ADGRE3: variants seen among roughly 807,000 people sequenced by gnomAD.
The protein encoded by ADGRE3 is EGF-like module receptor 3.
In ADGRE3, 88 loss-of-function variants were observed where a neutral mutation model predicts 80.1. That is an observed-to-expected ratio of 1.10 (90% CI 0.93 to 1.31). The LOEUF is 1.31. ADGRE3 is among the 40% of genes most tolerant of loss of function. The pLI, the probability that ADGRE3 is intolerant of heterozygous loss-of-function variation, is 0.00. For synonymous variants in ADGRE3, 281 were observed against 294.8 expected (o/e 0.95, Z 0.48); for missense variants, 715 against 776.5 (o/e 0.92, Z 0.94).
chr19:14,643,845 G>T (rs542835902), intron 9 of ADGRE3, among the ~76,000 whole-genome samples: 33 of 152,000 alleles, frequency 2.2e-4, no homozygotes, highest in Middle Eastern at 3.4e-3. Flanking sequence ...TGAGTAGCTG[G>T]GATTACAGGC....
chr19:14,621,089 G>C (rs955829141), intron 15 of ADGRE3, among the ~76,000 whole-genome samples: 5 of 151,760 alleles, frequency 3.3e-5, no homozygotes. Context: ...GCATGATCTC[G>C]GCTCACCGTA....
chr19:14,635,509 T>C (rs1448931763), intron 11 of ADGRE3, among the ~76,000 whole-genome samples: 2 of 151,766 alleles, frequency 1.3e-5, no homozygotes, highest in Non-Finnish European at 1.5e-5. Flanking sequence ...CCTCCCGGGT[T>C]CAAGTGATTC....
In ADGRE3 at chr19:14,656,797, T is replaced by C. The variant is rs527656778; in HGVS notation, c.394-1632A>G. Among the ~76,000 whole-genome samples, 17 of 152,222 alleles carry C rather than the reference T, an allele frequency of 1.1e-4. No individual in the cohort carries two copies. In the East Asian group the frequency reaches 2.9e-3, roughly 26 times the overall value. ...GGCTGCTCTTTGTTAGAAAAGAAAATTTGGGGCTGCTCTTCATTAAAAGGA... is the reference window on the plus strand; with the variant it reads ...GGCTGCTCTTTGTTAGAAAAGAAAACTTGGGGCTGCTCTTCATTAAAAGGA... On this transcript the variant is annotated intron_variant, in intron 5 of 15. Transcript: ENST00000253673.
intron 8 of ADGRE3, 99 bp from the exon 9 acceptor site, chr19:14,644,374 G>C (rs1971343221): frequency 1.2e-6 from 1 of 864,864 alleles, no homozygotes; most frequent in Non-Finnish European, 1.7e-6. Flanking sequence ...AGGCTGGAGT[G>C]CAGTGGCTCA....
At chr19:14,672,114 A>C (rs1368521182) in intron 1 of ADGRE3, among the ~76,000 whole-genome samples, 3 of 152,198 alleles carry the variant, frequency 2.0e-5, no homozygotes, top group Non-Finnish European at 4.4e-5. Context: ...ACTAGCTCAC[A>C]GGGCCAACTG....
chr19:14,600,299 T>C, the ADGRE3 span: 5 of 1,252,274 alleles, frequency 4.0e-6, no homozygotes, highest in South Asian at 1.5e-5. Flanking sequence ...TTTCAGTTAC[T>C]AAAACTTTAA....
intron 7 of ADGRE3, among the ~76,000 whole-genome samples, chr19:14,648,878 C>T (rs114413315): frequency 1.5e-3 from 224 of 152,200 alleles, no homozygotes; most frequent in African/African-American, 5.2e-3. Context: ...TCCATAGTCA[C>T]GTGAGCCAAT....
At chr19:14,604,753 ACT>A in the ADGRE3 span, among the ~76,000 whole-genome samples, 1 of 151,954 alleles carries the variant, frequency 6.6e-6, no homozygotes, top group Non-Finnish European at 1.5e-5. Context: ...ACAAAGCAAG[ACT>A]CTGACTCAAA....
chr19:14,625,155 T>A (rs1458120587), intron 15 of ADGRE3, among the ~76,000 whole-genome samples: 5 of 152,132 alleles, frequency 3.3e-5, no homozygotes, highest in Non-Finnish European at 7.4e-5. Context: ...AATTTTTGTA[T>A]TTTTAGTAGA....
chr19:14,625,605 A>C lies in ADGRE3; in HGVS notation c.1813-6T>G. The stretch of plus-strand genomic sequence containing the variant: ...TTTTGATATTGTTTCTGGACCTGGA[A>C]CATCAAAGGAAATACCTGGATGGGT... On this transcript the variant is annotated splice_region_variant and splice_polypyrimidine_tract_variant and intron_variant, in intron 14 of 15. Transcript: ENST00000253673. 1 of 1,585,070 alleles carries C rather than the reference A, an allele frequency of 6.3e-7. No individual in the cohort carries two copies. The highest frequency in any genetic ancestry group is 1.1e-5 in the South Asian group (1 of 90,244).
intron 7 of ADGRE3, among the ~76,000 whole-genome samples, chr19:14,649,231 T>TCCATCTATCTCTTTCCATCTTTCTCTCC (rs1260956150): frequency 3.5e-5 from 5 of 141,892 alleles, no homozygotes; most frequent in African/African-American, 1.5e-4. Context: ...TCTCTCTCTT[T>TCCATCTATCTCTTTCCATCTTTCTCTCC]CCATCTATCT....
chr19:14,630,265 C>A lies in ADGRE3; in HGVS notation c.1644-58G>T, dbSNP rs555055835. 374 of 1,425,154 alleles carry A rather than the reference C, an allele frequency of 2.6e-4. 1 individual carries two copies. Among genetic ancestry groups the A allele is most frequent in the East Asian group, 2.3e-5 (1 of 43,200 alleles). 88.3% of individuals were successfully genotyped at this position (1,425,154 alleles called of 1,614,324 possible). A position where few individuals can be genotyped will look rare whatever the true frequency, so the allele number is the denominator to read the frequency against. On this transcript the variant is annotated intron_variant, in intron 13 of 15. Coordinates refer to ENST00000253673, the MANE Select transcript of ADGRE3 (RefSeq NM_032571.5). ...AAAAACTAATAATGAGCATGAACAC[C>A]CCTCTAGTTAGCTGTTAATAGTAAG...
rs184625505 is a variant in ADGRE3 at position 14,620,114 on chromosome 19, G to A, written c.1921-643C>T. ...CTATCTGATCTTCCAACTTTATCAC[G>A]TTTCTTGGGAACAGAGTTAGAAAGT... On this transcript the variant is annotated intron_variant, in intron 15 of 15. Coordinates refer to ENST00000253673, the MANE Select transcript of ADGRE3 (RefSeq NM_032571.5). Among the ~76,000 whole-genome samples the A allele has an allele frequency of 2.6e-4, 39 of 152,132 alleles. No individual in the cohort carries two copies. In the East Asian group the frequency reaches 3.9e-3, roughly 15 times the overall value.
At chr19:14,658,219 A>G (rs1344078356) in intron 5 of ADGRE3, among the ~76,000 whole-genome samples, 2 of 151,828 alleles carry the variant, frequency 1.3e-5, no homozygotes, top group African/African-American at 4.8e-5. Flanking sequence ...ACCTAATGGT[A>G]TATCTGTATC....
chr19:14,649,958 C>T (rs560178676), intron 7 of ADGRE3, among the ~76,000 whole-genome samples: 51 of 101,812 alleles, frequency 5.0e-4, no homozygotes, highest in African/African-American at 1.9e-3. Context: ...TTCTCCCCAT[C>T]TCTCTCTTTC....
At chr19:14,611,684 G>C in the ADGRE3 span, among the ~76,000 whole-genome samples, 1 of 152,174 alleles carries the variant, frequency 6.6e-6, no homozygotes, top group African/African-American at 2.4e-5. Flanking sequence ...GCTATCTGTG[G>C]GTTGTAACGT....
Position 14,619,314 on chromosome 19 carries a change from G to T in ADGRE3, c.*119C>A. The T allele has an allele frequency of 1.3e-6, 1 of 791,738 alleles. No homozygotes were observed. Among genetic ancestry groups the T allele is most frequent in the Non-Finnish European group, 2.2e-6 (1 of 464,224 alleles). 49.0% of individuals were successfully genotyped at this position (791,738 alleles called of 1,614,324 possible). On this transcript the variant is annotated 3_prime_UTR_variant, in exon 16 of 16. Coordinates refer to ENST00000253673, the MANE Select transcript of ADGRE3 (RefSeq NM_032571.5). ...ACAAACAGCTTGGGAAGTAAAGGTT[G>T]ATTACTTCCTCTCCAAGGATGATAT...
At position 14,651,092 on chromosome 19, in the gene ADGRE3, G is replaced by A. The variant is rs749056744; in HGVS notation, c.690C>T (p.Asp230=). The part of the protein sequence containing the change: ...DIRCSDIIQG[D]TQGPSAIAFI... ...TGCAGCCATCAGGCATACCTTGTGT[G>A]TCTCCCTGGATGATGTCACTGCAAC... The change falls in exon 7 of 16, where the codon GAC becomes GAT. Residue 230 remains aspartate, a synonymous_variant. Transcript: ENST00000253673. 208 of 1,613,970 alleles carry A rather than the reference G, an allele frequency of 1.3e-4. 1 individual carries two copies. The highest frequency in any genetic ancestry group is 1.7e-4 in the Non-Finnish European group (202 of 1,179,974).
At chr19:14,639,007 T>C (rs1395986667) in intron 10 of ADGRE3, among the ~76,000 whole-genome samples, 1 of 151,896 alleles carries the variant, frequency 6.6e-6, no homozygotes, top group South Asian at 2.1e-4. Context: ...GCTCAAGTGA[T>C]CCTCCCACCT....
Sources: gnomAD v4.1 joint callset for allele counts (sites outside exome capture counted in the v4.1 genomes callset) on GRCh38, gnomAD v4.1.1 for gene constraint, MANE v1.5 for transcripts, NCBI Gene and HGNC (gene_info 2026-07-23, HGNC 2026-07-21) for gene names.